The following COL6A3 variants were observed in gnomAD, a reference collection of about 807,000 sequenced individuals.
COL6A3 encodes collagen alpha-3(VI) chain.
In COL6A3, 137 loss-of-function variants were observed where a neutral mutation model predicts 274.1. The ratio of observed to expected loss-of-function variants is 0.50; its 90% confidence interval spans 0.44 to 0.58. The LOEUF (loss-of-function observed/expected upper bound fraction) is 0.58. Among genes scored for constraint, COL6A3 ranks in the 20% least tolerant of loss-of-function variants. The pLI is 0.00. For synonymous variants in COL6A3, 1,650 were observed against 1,650.6 expected, an observed-to-expected ratio of 1.00 and a Z score of 0.01; for missense variants, 3,950 against 4,124.9, an observed-to-expected ratio of 0.96 and a Z score of 1.16.
chr2:237,345,351 A>T, intron 32 of COL6A3, 138 bp from the exon 33 acceptor site: 1 of 784,236 alleles, frequency 1.3e-6, no homozygotes, highest in Non-Finnish European at 2.2e-6. Flanking sequence ...TCTCCCTCTA[A>T]ACCTGATCTT....
chr2:237,409,815 C>G (rs1358604526), intron 1 of COL6A3, among the ~76,000 whole-genome samples: 1 of 152,162 alleles, frequency 6.6e-6, no homozygotes, highest in Non-Finnish European at 1.5e-5. Context: ...TACGCAATGG[C>G]ATGAATATGC....
rs2077870714 is a variant in COL6A3, at chr2:237,377,197, T to A, written c.2645A>T (p.Asp882Val). ...GTRIAVAQYS[D>V]DVKVESRFDE... is the part of the protein sequence containing the mutation. ...AAAACGGGACTCCACCTTGACATCATCGCTGTACTGAGCCACCGCAATTCG... is the reference window on the plus strand; with the variant it reads ...AAAACGGGACTCCACCTTGACATCAACGCTGTACTGAGCCACCGCAATTCG... Residue 882 changes from aspartate to valine, a missense_variant, in exon 7 of 44, where the codon GAT becomes GTT. This residue lies in a region of COL6A3 where 1,934 missense variants were observed against 1,984.3 expected (regional missense o/e 0.97). Transcript: ENST00000295550. 3 of 1,614,082 alleles carry A rather than the reference T, an allele frequency of 1.9e-6. No homozygotes were observed. The highest frequency in any genetic ancestry group is 2.5e-6 in the Non-Finnish European group (3 of 1,180,026).
At chr2:237,341,198 G>T in intron 37 of COL6A3, 48 bp from the exon 38 acceptor site, 2 of 1,511,250 alleles carry the variant, frequency 1.3e-6, no homozygotes, top group East Asian at 2.3e-5. Context: ...CCCACAGCAG[G>T]ATACACAGCT....
At chr2:237,392,359 C>A (rs2078311473) in intron 3 of COL6A3, among the ~76,000 whole-genome samples, 1 of 152,258 alleles carries the variant, frequency 6.6e-6, no homozygotes, top group Admixed American at 6.5e-5. Flanking sequence ...GGTACTGCTT[C>A]TCTGCAACTG....
intron 1 of COL6A3, among the ~76,000 whole-genome samples, chr2:237,405,355 T>TAA (rs144233392): frequency 6.6e-6 from 1 of 152,220 alleles, no homozygotes; most frequent in African/African-American, 2.4e-5. Flanking sequence ...TCTCCATTTA[T>TAA]AAAAAAACGA....
In COL6A3 at chr2:237,352,523, C is replaced by G. The variant is rs1249297322; in HGVS notation, c.6752G>C (p.Arg2251Pro). 1.9e-6 allele frequency: 3 copies of G among 1,611,458 alleles called. No homozygotes were observed. Among genetic ancestry groups the G allele is most frequent in the Non-Finnish European group, 2.5e-6 (3 of 1,179,010 alleles). ...GGGCTGGTATTAGGACAGGCTTACC[C>G]GAGGTCCAGAAATGCCTTGTTCTCC... ...LIGEQGISGP[R>P]GSGGAAGAPG... Residue 2251 changes from arginine (R) to proline (P), a missense_variant and splice_region_variant, in exon 26 of 44, where the codon CGG (arginine) becomes CCG (proline). This residue lies in a region of COL6A3 where 1,284 missense variants were observed against 1,349.7 expected (regional missense o/e 0.95). Coordinates refer to ENST00000295550, the MANE Select transcript of COL6A3 (RefSeq NM_004369.4).
In COL6A3 at chr2:237,374,925, C is replaced by G; in HGVS notation, c.3166G>C (p.Glu1056Gln). 5 of 1,613,962 alleles carry G rather than the reference C, an allele frequency of 3.1e-6. No homozygotes were observed. The highest frequency in any genetic ancestry group is 4.2e-6 in the Non-Finnish European group (5 of 1,180,014). ...LLKEFVQRVV[E>Q]SLDVGQDRVR... ...CGGTCCTGGCCCACATCCAGGCTTT[C>G]CACCACTCTCTGGACAAACTCTTTC... Residue 1056 changes from glutamate (E) to glutamine (Q), a missense_variant, in exon 8 of 44, where the codon GAA becomes CAA. Coordinates refer to ENST00000295550, the MANE Select transcript of COL6A3 (RefSeq NM_004369.4). This position sits in a 1 kb window ranked among gnomAD's most constrained non-coding sequence, Gnocchi z 4.8.
chr2:237,327,625 C>A (rs1479336202), intron 42 of COL6A3: 1 of 152,088 alleles, frequency 6.6e-6, no homozygotes, highest in African/African-American at 2.4e-5. Context: ...ATTTGGAAAA[C>A]CAAGAGAAAT....
chr2:237,332,113 A>ATATATATATC (rs1700288398), intron 42 of COL6A3, among the ~76,000 whole-genome samples: 1 of 93,932 alleles, frequency 1.1e-5, no homozygotes, highest in South Asian at 3.4e-4. Flanking sequence ...ATATATATAT[A>ATATATATATC]TATATGAAAA....
chr2:237,378,543 G>A (rs2077909949), intron 6 of COL6A3, 93 bp downstream of exon 6: 6 of 1,576,814 alleles, frequency 3.8e-6, no homozygotes, highest in Middle Eastern at 2.3e-4. Context: ...TCTTTGTACA[G>A]TCCACAGTGC....
rs758024967 is a variant in COL6A3, at chr2:237,365,859, T to A, written c.5677A>T (p.Thr1893Ser). Residue 1893 changes from threonine (T) to serine (S), a missense_variant, in exon 12 of 44, where the codon ACG (threonine) becomes TCG (serine). Coordinates refer to ENST00000295550, the MANE Select transcript of COL6A3 (RefSeq NM_004369.4). Reference sequence around the variant, plus strand: ...AAGGCCTCCACCGGGCCCGAGGGCGTGTTGGCCACCACTGACACACGCACG... The same window carrying A: ...AAGGCCTCCACCGGGCCCGAGGGCGAGTTGGCCACCACTGACACACGCACG... ...PTVRVSVVAN[T>S]PSGPVEAFDF... is the part of the protein sequence containing the mutation. The A allele has an allele frequency of 5.6e-6, 9 of 1,614,034 alleles. No homozygotes were observed. In the African/African-American group the frequency reaches 1.1e-4, roughly 19 times the overall value.
In COL6A3 at chr2:237,364,314, G is replaced by T. The variant is rs754121315; in HGVS notation, c.5917+36C>A. 2.6e-6 allele frequency: 4 copies of T among 1,545,762 alleles called. No individual in the cohort carries two copies. Among genetic ancestry groups the T allele is most frequent in the South Asian group, 2.2e-5 (2 of 89,840 alleles). On this transcript the variant is annotated intron_variant, in intron 13 of 43. Coordinates refer to ENST00000295550, the MANE Select transcript of COL6A3 (RefSeq NM_004369.4). This position sits in a 1 kb window ranked among gnomAD's most constrained non-coding sequence, Gnocchi z 4.6. ...GAGCAGTACACCCCGCCTCACCAGG[G>T]TTTACTTCTCATATTTAGAAAGCCT...
chr2:237,333,399 G>T, intron 42 of COL6A3, 51 bp downstream of exon 42: 1 of 1,526,106 alleles, frequency 6.6e-7, no homozygotes, highest in Non-Finnish European at 9.1e-7. Context: ...TTGGAATCAA[G>T]ATGGGTATTT....
chr2:237,324,728 C>T lies in COL6A3; in HGVS notation c.*46G>A. On this transcript the variant is annotated 3_prime_UTR_variant, in exon 44 of 44. Coordinates refer to ENST00000295550, the MANE Select transcript of COL6A3 (RefSeq NM_004369.4). ...TTCTACAGAGACAAGTTGGCGATGG[C>T]TGACTCCTTCTTCTTCAAGAGGTAT... 6.3e-7 allele frequency: 1 copy of T among 1,599,852 alleles called. No homozygotes were observed.
In COL6A3 at chr2:237,372,329, C is replaced by T; in HGVS notation, c.3688G>A (p.Gly1230Ser). 6.2e-7 allele frequency: 1 copy of T among 1,605,914 alleles called. No individual in the cohort carries two copies. The highest frequency in any genetic ancestry group is 8.5e-7 in the Non-Finnish European group (1 of 1,179,982). The change falls in exon 9 of 44, where the codon GGC becomes AGC. Residue 1230 changes from glycine (G) to serine (S), a missense_variant. Gly to Ser is a moderately conservative substitution (Grantham distance 56). Around this residue, in one of 5 missense-constraint regions of COL6A3, gnomAD observed 1,934 missense variants for 1,984.3 expected, o/e 0.97. Coordinates refer to ENST00000295550, the MANE Select transcript of COL6A3 (RefSeq NM_004369.4). ...LQPLPSPGVG[G>S]KRDVVFLIDG... is the part of the protein sequence containing the mutation. ...ATGAGAAAGACCACGTCCCTCTTGC[C>T]ACCAACACCTGCGAAACAAATGTGA... is the stretch of plus-strand genomic sequence containing the variant.
intron 1 of COL6A3, among the ~76,000 whole-genome samples, chr2:237,405,486 G>A (rs1446903576): frequency 2.6e-5 from 4 of 152,032 alleles, no homozygotes; most frequent in African/African-American, 9.7e-5. Context: ...AGCCATCCGC[G>A]CTCATTCCCC....
rs751856804 is a variant in COL6A3, at chr2:237,354,949, G to A, written c.6592-15C>T. The A allele has an allele frequency of 6.2e-7, 1 of 1,613,502 alleles. No individual in the cohort carries two copies. The highest frequency in any genetic ancestry group is 8.5e-7 in the Non-Finnish European group (1 of 1,179,718). ...CCAAAGCCACCCTGTGGAAGAAAAA[G>A]TCCCACAAACTGTGAGGGGGAGCAT... On this transcript the variant is annotated splice_polypyrimidine_tract_variant and intron_variant, in intron 23 of 43. Transcript: ENST00000295550.
intron 42 of COL6A3, chr2:237,328,120 C>T (rs1327333838): frequency 6.6e-6 from 1 of 152,224 alleles, no homozygotes; most frequent in Non-Finnish European, 1.5e-5. Context: ...AAATTATCCA[C>T]AACCTTCCCC....
At chr2:237,357,966 G>A in intron 21 of COL6A3, 84 bp from the exon 22 acceptor site, 1 of 1,252,500 alleles carries the variant, frequency 8.0e-7, no homozygotes, top group Non-Finnish European at 1.2e-6. Flanking sequence ...GGAAATATTA[G>A]CAAGGACCTG....
Sources: gnomAD v4.1 joint callset for allele counts (sites outside exome capture counted in the v4.1 genomes callset) on GRCh38, gnomAD v4.1.1 for gene constraint, gnomAD v4.1.1 regional missense constraint, Gnocchi (gnomAD v3.1) non-coding constraint, MANE v1.5 for transcripts, NCBI Gene and HGNC (gene_info 2026-07-23, HGNC 2026-07-21) for gene names.